The following ARHGAP26 variants were observed in gnomAD, a reference collection of about 807,000 sequenced individuals.
The protein encoded by ARHGAP26 is Rho GTPase activating protein 26.
A neutral mutation model predicts 104.8 loss-of-function variants in ARHGAP26; 38 were observed. The observed-to-expected ratio is 0.36, with a 90% CI of 0.28 to 0.48. The LOEUF (loss-of-function observed/expected upper bound fraction) is 0.48, where lower values mean the gene tolerates loss of function less well. ARHGAP26 is among the 20% of genes least tolerant of loss of function. ARHGAP26 has a pLI of 0.99. For missense variants in ARHGAP26, 704 were observed against 947.9 expected, an observed-to-expected ratio of 0.74 and a Z score of 3.38; for synonymous variants, 341 against 340.0, an observed-to-expected ratio of 1.00 and a Z score of -0.03.
intron 20 of ARHGAP26, among the ~76,000 whole-genome samples, chr5:143,173,498 G>A (rs980320600): frequency 6.6e-6 from 1 of 152,338 alleles, no homozygotes; most frequent in Admixed American, 6.5e-5. Flanking sequence ...AAACGAAGTG[G>A]CTTTGCATTG....
intron 22 of ARHGAP26, among the ~76,000 whole-genome samples, chr5:143,219,226 G>A (rs889895835): frequency 6.6e-6 from 1 of 152,190 alleles, no homozygotes. Context: ...ACCTCTCTGA[G>A]CCTTAATTTT....
intron 20 of ARHGAP26, among the ~76,000 whole-genome samples, chr5:143,181,001 C>G: frequency 6.6e-6 from 1 of 152,162 alleles, no homozygotes. Context: ...GGCCAGCTTC[C>G]TTTACTCATC....
At chr5:142,921,487 A>G (rs759390526) in intron 10 of ARHGAP26, 3 of 167,066 alleles carry the variant, frequency 1.8e-5, no homozygotes, top group Non-Finnish European at 2.9e-5. Context: ...TTTAAACTAA[A>G]CTTTTAGCAG....
chr5:142,779,037 A>G (rs1756950655), intron 1 of ARHGAP26, among the ~76,000 whole-genome samples: 1 of 152,018 alleles, frequency 6.6e-6, no homozygotes, highest in Non-Finnish European at 1.5e-5. Flanking sequence ...GAACTGCTTG[A>G]TATGCTTTCT....
intron 22 of ARHGAP26, 152 bp downstream of exon 22, chr5:143,214,240 CTG>C: frequency 1.8e-6 from 1 of 561,146 alleles, no homozygotes; most frequent in Admixed American, 2.8e-5. Flanking sequence ...GTGTTGGTTT[CTG>C]TGTCTTTTCC....
intron 17 of ARHGAP26, among the ~76,000 whole-genome samples, chr5:143,058,498 T>A (rs1786197719): frequency 6.6e-6 from 1 of 152,234 alleles, no homozygotes; most frequent in Admixed American, 6.5e-5. Flanking sequence ...TCACTACTTG[T>A]GTGTGTGTTC....
rs907661495 is a variant in ARHGAP26, at chr5:143,119,581, A to G, written c.1539-1407A>G. Among the ~76,000 whole-genome samples, 20 of 152,340 alleles carry G rather than the reference A, an allele frequency of 1.3e-4. No homozygotes were observed. The East Asian group carries it at 2.3e-3, about 18-fold the overall frequency. On this transcript the variant is annotated intron_variant, in intron 17 of 22. Transcript: ENST00000645722. The stretch of plus-strand genomic sequence containing the variant: ...TAGAATGGAAAACATAAGTAAAACC[A>G]GGAGACTCAGCAAGAACTAAGAAAA...
At chr5:143,086,199 T>C (rs560208341) in intron 17 of ARHGAP26, among the ~76,000 whole-genome samples, 1 of 152,330 alleles carries the variant, frequency 6.6e-6, no homozygotes, top group South Asian at 2.1e-4. Context: ...AAAAGAATTA[T>C]TCCAGATGGC....
At chr5:142,967,825 G>T (rs909868818) in intron 11 of ARHGAP26, among the ~76,000 whole-genome samples, 1 of 152,152 alleles carries the variant, frequency 6.6e-6, no homozygotes, top group African/African-American at 2.4e-5. Flanking sequence ...GGAAAGGGTG[G>T]TGCACGGATA....
chr5:142,874,733 C>T (rs1162262655), intron 2 of ARHGAP26, among the ~76,000 whole-genome samples: 1 of 152,108 alleles, frequency 6.6e-6, no homozygotes, highest in East Asian at 1.9e-4. Context: ...GGTTCTGACG[C>T]AACGCCATGA....
chr5:143,004,979 G>T (rs185698260), intron 11 of ARHGAP26, among the ~76,000 whole-genome samples: 144 of 152,242 alleles, frequency 9.5e-4, no homozygotes, highest in African/African-American at 3.3e-3. Context: ...GAAGGAATGG[G>T]AAATTCAAGG....
intron 20 of ARHGAP26, among the ~76,000 whole-genome samples, chr5:143,172,081 C>G (rs1172570280): frequency 6.6e-6 from 1 of 152,166 alleles, no homozygotes; most frequent in Non-Finnish European, 1.5e-5. Flanking sequence ...TCCCCTATTG[C>G]CAGCTAAAAC....
intron 9 of ARHGAP26, among the ~76,000 whole-genome samples, chr5:142,912,723 A>G (rs549820160): frequency 6.6e-6 from 1 of 152,144 alleles, no homozygotes; most frequent in Non-Finnish European, 1.5e-5. Flanking sequence ...CATCACCTAT[A>G]TCAATGCGCA....
chr5:142,941,585 T>C (rs959139667), intron 11 of ARHGAP26, among the ~76,000 whole-genome samples: 1 of 152,212 alleles, frequency 6.6e-6, no homozygotes, highest in African/African-American at 2.4e-5. Flanking sequence ...ATGTGAGTGC[T>C]TTTATTTAGG....
At chr5:143,024,654 G>C (rs1780781733) in intron 12 of ARHGAP26, among the ~76,000 whole-genome samples, 1 of 152,108 alleles carries the variant, frequency 6.6e-6, no homozygotes, top group African/African-American at 2.4e-5. Context: ...TTCACTGCTT[G>C]ATATACGTTA....
chr5:143,055,203 T>C (rs1785625521), intron 15 of ARHGAP26, among the ~76,000 whole-genome samples: 1 of 152,144 alleles, frequency 6.6e-6, no homozygotes, highest in Admixed American at 6.5e-5. Flanking sequence ...GACCTAGTCT[T>C]AAAAGGAGAG....
chr5:142,964,064 G>C (rs935124805), intron 11 of ARHGAP26, among the ~76,000 whole-genome samples: 15 of 152,156 alleles, frequency 9.9e-5, no homozygotes, highest in Admixed American at 9.8e-4. Flanking sequence ...TTAGTGTCTA[G>C]TTTTAAATGT....
intron 11 of ARHGAP26, among the ~76,000 whole-genome samples, chr5:142,957,198 A>G (rs113916834): frequency 0.019 from 2,851 of 152,304 alleles, 91 homozygotes; most frequent in African/African-American, 0.065. Flanking sequence ...GAGGCTCTCA[A>G]TTGCTTTTGC....
chr5:142,891,102 G>A (rs909166094), intron 5 of ARHGAP26, among the ~76,000 whole-genome samples: 3 of 152,024 alleles, frequency 2.0e-5, no homozygotes, highest in East Asian at 1.9e-4. Flanking sequence ...CCGTGTAAGC[G>A]TGTTGGATTT....
Sources: allele counts gnomAD v4.1 joint callset (sites outside exome capture counted in the v4.1 genomes callset), GRCh38; gene constraint gnomAD v4.1.1; transcripts MANE v1.5; gene names NCBI Gene and HGNC (gene_info 2026-07-23, HGNC 2026-07-21).